The following LTBP4 variants were observed in gnomAD, a reference collection of about 807,000 sequenced individuals.
LTBP4 encodes latent-transforming growth factor beta-binding protein 4.
LTBP4 carries 93 observed loss-of-function variants against 180.2 expected under a neutral mutation model. The ratio of observed to expected loss-of-function variants is 0.52; its 90% CI spans 0.44 to 0.61. LTBP4 has a LOEUF of 0.61. Among genes scored for constraint, LTBP4 ranks in the 20% least tolerant of loss-of-function variants. The pLI, the probability that LTBP4 is intolerant of heterozygous loss-of-function variation, is 0.00. For synonymous variants in LTBP4, 947 were observed against 934.5 expected (o/e 1.01, Z -0.24); for missense variants, 2,116 against 2,256.5 (o/e 0.94, Z 1.26).
In LTBP4 at chr19:40,612,201, A is replaced by G. The variant is rs73544980; in HGVS notation, c.2299+9A>G. 1,448 of 1,590,814 alleles carry G rather than the reference A, an allele frequency of 9.1e-4. 10 individuals are homozygous for G. The African/African-American group carries it at 0.016, about 18-fold the overall frequency. ...CCGTGGCAGATGCACTGGTGAGACC[A>G]GGCCCTGGCTGTGACCTTGGGCCTG... On this transcript the variant is annotated intron_variant, in intron 15 of 29. Transcript: ENST00000396819.
chr19:40,595,827 C>T (rs2081386753), intron 1 of LTBP4, among the ~76,000 whole-genome samples: 1 of 151,560 alleles, frequency 6.6e-6, no homozygotes, highest in South Asian at 2.1e-4. Context: ...ACTTACCAGG[C>T]TCAAGTGATC....
At chr19:40,614,207 TC>T in intron 18 of LTBP4, 107 bp from the exon 19 acceptor site, 1 of 1,448,508 alleles carries the variant, frequency 6.9e-7, no homozygotes, top group Non-Finnish European at 9.4e-7. Context: ...TCTCCTGCCC[TC>T]TCCTCTGCTT....
intron 11 of LTBP4, chr19:40,610,124 C>T (rs770450059): frequency 9.3e-6 from 5 of 536,056 alleles, no homozygotes; most frequent in South Asian, 3.0e-5. Context: ...TGCTCCGCCC[C>T]CACGCCCAGG....
In LTBP4 at chr19:40,609,655, T is replaced by A. The variant is rs1422482810; in HGVS notation, c.1552T>A (p.Cys518Ser). 6.2e-7 allele frequency: 1 copy of A among 1,613,148 alleles called. No individual in the cohort carries two copies. Among genetic ancestry groups the A allele is most frequent in the Non-Finnish European group, 8.5e-7 (1 of 1,179,736 alleles). ...GFRLSPQGTR[C>S]IDVDECRRVP... ...CCGGCTCAGCCCCCAGGGCACCCGA[T>A]GCATTGGTGAGCAAGACGGAGGGCG... Residue 518 changes from cysteine (C) to serine (S), a missense_variant, in exon 10 of 30, where the codon TGC becomes AGC. Around this residue, in one of 5 missense-constraint regions of LTBP4, gnomAD observed 877 missense variants for 873.6 expected, o/e 1.00. Coordinates refer to ENST00000396819, the MANE Select transcript of LTBP4 (RefSeq NM_001042545.2). This position sits in a 1 kb window ranked among gnomAD's most constrained non-coding sequence, Gnocchi z 4.9.
In LTBP4 at chr19:40,622,293, C is replaced by G. The variant is rs747967706; in HGVS notation, c.3218-108C>G. 2.3e-6 allele frequency: 3 copies of G among 1,283,130 alleles called. No individual in the cohort carries two copies. Among genetic ancestry groups the G allele is most frequent in the South Asian group, 3.3e-5 (2 of 61,220 alleles). The allele number at this position is 1,283,130 out of a possible 1,614,324, so 79.5% of individuals were successfully genotyped here. On this transcript the variant is annotated intron_variant, in intron 22 of 29. Transcript: ENST00000396819. The surrounding 1 kb of genome is among the most constrained non-coding windows in gnomAD (Gnocchi z 5.1). Reference sequence around the variant, plus strand: ...TGGAGTCTGGTTCTGCCACTGATGGCTGCCACCCTCTGTTTCCCTATCTAT... The same window carrying G: ...TGGAGTCTGGTTCTGCCACTGATGGGTGCCACCCTCTGTTTCCCTATCTAT...
In LTBP4 at chr19:40,629,447, C is replaced by T. The variant is rs1222067770; in HGVS notation, c.4571C>T (p.Ala1524Val). ...AEAASPLCVN[A>V]RCLNTDGSFR... ...GCTGCCTCCCCGCTGTGCGTCAACG[C>T]GCGTTGCCTCAACACGGATGGCTCC... Residue 1524 changes from alanine (A) to valine (V), a missense_variant, in exon 30 of 30, where the codon GCG becomes GTG. By Grantham distance (64) the Ala-to-Val change is moderately conservative (BLOSUM62 0). Transcript: ENST00000396819. This position sits in a 1 kb window ranked among gnomAD's most constrained non-coding sequence, Gnocchi z 4.5. 1 of 1,612,586 alleles carries T rather than the reference C, an allele frequency of 6.2e-7. No individual in the cohort carries two copies. Among genetic ancestry groups the T allele is most frequent in the Non-Finnish European group, 8.5e-7 (1 of 1,179,452 alleles).
chr19:40,594,569 G>A (rs2081381201), intron 1 of LTBP4: 1 of 152,176 alleles, frequency 6.6e-6, no homozygotes, highest in Non-Finnish European at 1.5e-5. Context: ...AGGTGGTGAG[G>A]GGGGAAGCGG....
chr19:40,599,632 C>T (rs1568400111), upstream of LTBP4: 2 of 1,417,650 alleles, frequency 1.4e-6, no homozygotes, highest in South Asian at 1.2e-5. Flanking sequence ...GCTCCTCCTC[C>T]CTTCCCCTCT....
chr19:40,626,742 G>A (rs1021824512), intron 27 of LTBP4, among the ~76,000 whole-genome samples: 5 of 152,112 alleles, frequency 3.3e-5, no homozygotes, highest in African/African-American at 1.2e-4. Flanking sequence ...CCCATGGGTC[G>A]CTCCAATTCC....
chr19:40,614,728 A>C (rs1245766834), intron 19 of LTBP4, among the ~76,000 whole-genome samples: 2 of 151,738 alleles, frequency 1.3e-5, no homozygotes, highest in African/African-American at 4.8e-5. Context: ...ACCGCCCCAA[A>C]ACTGTTAGGC....
At chr19:40,599,936 C>A, upstream of LTBP4, 1 of 468,816 alleles carries the variant, frequency 2.1e-6, no homozygotes, top group African/African-American at 2.0e-5. Flanking sequence ...GGCCTGGTCC[C>A]CATAAATAGG....
intron 15 of LTBP4, 138 bp downstream of exon 15, chr19:40,612,330 C>A: frequency 8.3e-7 from 1 of 1,204,176 alleles, no homozygotes; most frequent in Non-Finnish European, 1.1e-6. Context: ...GACTCCTGAC[C>A]CTGACCTGGA....
intron 22 of LTBP4, among the ~76,000 whole-genome samples, chr19:40,620,635 G>A (rs1445188680): frequency 6.6e-6 from 1 of 151,744 alleles, no homozygotes; most frequent in African/African-American, 2.4e-5. Context: ...AATTAGCTGG[G>A]TGTAGTGGTG....
chr19:40,610,240 A>C, intron 11 of LTBP4: 1 of 494,400 alleles, frequency 2.0e-6, no homozygotes, highest in Non-Finnish European at 3.6e-6. Context: ...CCCCGATTCC[A>C]ACCCTGCCAC....
chr19:40,629,458 A>C lies in LTBP4; in HGVS notation c.4582A>C (p.Asn1528His). Residue 1528 changes from asparagine (N) to histidine (H), a missense_variant, in exon 30 of 30, where the codon AAC becomes CAC. This residue lies in a region of LTBP4 where 488 missense variants were observed against 458.8 expected (regional missense o/e 1.06). Coordinates refer to ENST00000396819, the MANE Select transcript of LTBP4 (RefSeq NM_001042545.2). This position sits in a 1 kb window ranked among gnomAD's most constrained non-coding sequence, Gnocchi z 4.5. The part of the protein sequence containing the change: ...SPLCVNARCL[N>H]TDGSFRCICR... ...GCTGTGCGTCAACGCGCGTTGCCTC[A>C]ACACGGATGGCTCCTTCCGCTGCAT... is the stretch of plus-strand genomic sequence containing the variant. The C allele has an allele frequency of 6.2e-7, 1 of 1,611,690 alleles. No individual in the cohort carries two copies.
At position 40,608,599 on chromosome 19, in the gene LTBP4, A is replaced by G. The variant is rs535275302; in HGVS notation, c.1422A>G (p.Glu474=). ...IPAWTGPEIP[E]SGPSSGMCQR... is the part of the protein sequence containing the mutation. ...CCTGGACTGGTCCTGAGATTCCTGA[A>G]TCAGGTTTGCTAGAAAGAACTGAGG... Residue 474 remains glutamate (E), a synonymous_variant, in exon 9 of 30, where the codon GAA becomes GAG. Coordinates refer to ENST00000396819, the MANE Select transcript of LTBP4 (RefSeq NM_001042545.2). 8.2e-6 allele frequency: 13 copies of G among 1,587,992 alleles called. No homozygotes were observed. Among genetic ancestry groups the G allele is most frequent in the Middle Eastern group, 3.3e-4 (2 of 5,984 alleles).
chr19:40,611,282 T>C lies in LTBP4; in HGVS notation c.1941T>C (p.Cys647=). ...GSACEEDVDE[C]AQEPPPCGPG... ...CGTGTGAAGAGGATGTGGATGAGTG[T>C]GCCCAGGAGCCGCCGCCCTGTGGGC... The change falls in exon 13 of 30, where the codon TGT becomes TGC. Residue 647 remains cysteine (C), a synonymous_variant. Transcript: ENST00000396819. This position sits in a 1 kb window ranked among gnomAD's most constrained non-coding sequence, Gnocchi z 4.4. 6.2e-7 allele frequency: 1 copy of C among 1,611,972 alleles called. No homozygotes were observed.
intron 4 of LTBP4, 124 bp from the exon 5 acceptor site, chr19:40,606,109 G>T: frequency 1.1e-6 from 1 of 951,610 alleles, no homozygotes. Context: ...GCCAACCTAA[G>T]GCTGTCCCTG....
Position 40,613,388 on chromosome 19 carries a change from C to T in LTBP4, c.2432-16C>T. 6.2e-7 allele frequency: 1 copy of T among 1,602,996 alleles called. No homozygotes were observed. On this transcript the variant is annotated splice_polypyrimidine_tract_variant and intron_variant, in intron 16 of 29. Transcript: ENST00000396819. This position sits in a 1 kb window ranked among gnomAD's most constrained non-coding sequence, Gnocchi z 5.0. ...GCCGGGTCCCGTGACTCCGCCCAAT[C>T]TCCCGCGTACCCTAGACGTGAACGA...
Sources: allele counts gnomAD v4.1 joint callset (sites outside exome capture counted in the v4.1 genomes callset), GRCh38; gene constraint gnomAD v4.1.1; regional missense constraint gnomAD v4.1.1; non-coding constraint Gnocchi (gnomAD v3.1); transcripts MANE v1.5; gene names NCBI Gene and HGNC (gene_info 2026-07-23, HGNC 2026-07-21).